MEGF10: variants seen among roughly 807,000 people sequenced by gnomAD.
The protein encoded by MEGF10 is multiple EGF like domains 10.
In MEGF10, 86 loss-of-function variants were observed where a neutral mutation model predicts 147.5. That is an observed-to-expected ratio of 0.58 (90% CI 0.49 to 0.70). The LOEUF is 0.70. Ranked by LOEUF, MEGF10 falls within the 30% of genes least tolerant of loss-of-function variation. The pLI, the probability that MEGF10 is intolerant of heterozygous loss-of-function variation, is 0.00. For synonymous variants in MEGF10, 478 were observed against 525.5 expected (o/e 0.91, Z 1.24); for missense variants, 1,329 against 1,487.3 (o/e 0.89, Z 1.75).
intron 7 of MEGF10, 143 bp from the exon 8 acceptor site, chr5:127,402,403 G>A (rs1040449138): frequency 3.7e-6 from 3 of 811,284 alleles, no homozygotes; most frequent in Admixed American, 5.7e-5. Flanking sequence ...AACAGTTTAT[G>A]TGCTCTAAAA....
intron 17 of MEGF10, among the ~76,000 whole-genome samples, chr5:127,440,300 C>T (rs1765708843): frequency 6.6e-6 from 1 of 152,056 alleles, no homozygotes; most frequent in South Asian, 2.1e-4. Context: ...AGGCTAGTAG[C>T]AACAATAGAG....
intron 4 of MEGF10, among the ~76,000 whole-genome samples, chr5:127,345,260 A>T (rs1223399347): frequency 6.6e-6 from 1 of 152,180 alleles, no homozygotes; most frequent in Admixed American, 6.5e-5. Context: ...GACTGGAATG[A>T]GCACACAGAA....
chr5:127,443,234 A>T, intron 19 of MEGF10, 108 bp downstream of exon 19: 1 of 1,182,038 alleles, frequency 8.5e-7, no homozygotes, highest in Non-Finnish European at 1.1e-6. Context: ...CTTCACCACA[A>T]CTCTAAATGG....
Position 127,376,455 on chromosome 5 carries a change from C to T in MEGF10, c.412+6453C>T, listed in dbSNP as rs147403805. On this transcript the variant is annotated intron_variant, in intron 5 of 24. Coordinates refer to ENST00000503335, the MANE Select transcript of MEGF10 (RefSeq NM_001256545.2). The stretch of plus-strand genomic sequence containing the variant: ...CAGAGAGATTAGTAAGGAGTACTGC[C>T]CATTCCCAATAGAATGAGGAAGAAA... Among the ~76,000 whole-genome samples, 282 of 152,072 alleles carry T rather than the reference C, an allele frequency of 1.9e-3. 1 individual carries two copies. The highest frequency in any genetic ancestry group is 6.4e-3 in the African/African-American group (267 of 41,466).
At chr5:127,415,747 T>C (rs1225572981) in intron 9 of MEGF10, among the ~76,000 whole-genome samples, 1 of 151,394 alleles carries the variant, frequency 6.6e-6, no homozygotes, top group Non-Finnish European at 1.5e-5. Flanking sequence ...CTACTAAAAA[T>C]ACAAAAATTA....
At chr5:127,251,095 C>T in the MEGF10 span, among the ~76,000 whole-genome samples, 1 of 152,040 alleles carries the variant, frequency 6.6e-6, no homozygotes, top group Non-Finnish European at 1.5e-5. Context: ...TGAAACTTAA[C>T]ATGCTATTTT....
the MEGF10 span, among the ~76,000 whole-genome samples, chr5:127,272,437 A>G: frequency 3.9e-4 from 59 of 152,268 alleles, no homozygotes; most frequent in African/African-American, 1.3e-3. Context: ...TATGAATTTT[A>G]AAATAGTTTT....
At chr5:127,287,396 A>G (rs1759060325), upstream of MEGF10, among the ~76,000 whole-genome samples, 1 of 152,008 alleles carries the variant, frequency 6.6e-6, no homozygotes, top group Admixed American at 6.5e-5. Flanking sequence ...GCCATGTTGC[A>G]AAATGTGAGG....
intron 2 of MEGF10, among the ~76,000 whole-genome samples, chr5:127,337,722 A>G (rs1300626115): frequency 6.6e-6 from 1 of 152,066 alleles, no homozygotes; most frequent in Non-Finnish European, 1.5e-5. Flanking sequence ...GAGATTCAGG[A>G]TGCTAAATAA....
rs77896531 is a variant in MEGF10 at position 127,410,241 on chromosome 5, T to C, written c.918-148T>C. On this transcript the variant is annotated intron_variant, in intron 8 of 24. Transcript: ENST00000503335. Reference sequence around the variant, plus strand: ...GCCAGAGTAATGTATCTTAACGCTTTTCATCCGTGTAATGGGACAATCACT... The same window carrying C: ...GCCAGAGTAATGTATCTTAACGCTTCTCATCCGTGTAATGGGACAATCACT... 16,108 of 704,514 alleles carry C rather than the reference T, an allele frequency of 0.023. 354 individuals are homozygous for C. The highest frequency in any genetic ancestry group is 0.066 in the South Asian group (3,793 of 57,568). 43.6% of individuals were successfully genotyped at this position (704,514 alleles called of 1,614,324 possible). A position where few individuals can be genotyped will look rare whatever the true frequency, so the allele number is the denominator to read the frequency against.
At position 127,387,402 on chromosome 5, in the gene MEGF10, AT is replaced by A. The variant is rs146069772; in HGVS notation, c.413-9128del. Among the ~76,000 whole-genome samples the A allele has an allele frequency of 3.1e-3, 473 of 152,302 alleles. 4 individuals are homozygous for A. Among genetic ancestry groups the A allele is most frequent in the African/African-American group, 0.011 (451 of 41,568 alleles). On this transcript the variant is annotated intron_variant, in intron 5 of 24. Transcript: ENST00000503335. The stretch of plus-strand genomic sequence containing the variant: ...TGATAGGATATTCCTTATCAAAACT[AT>A]TCTGATGAACCTGCTGCTACATCTT...
At chr5:127,276,781 CAT>C in the MEGF10 span, among the ~76,000 whole-genome samples, 1 of 151,754 alleles carries the variant, frequency 6.6e-6, no homozygotes, top group African/African-American at 2.4e-5. Flanking sequence ...AAACAATAAA[CAT>C]AATGAATAAG....
At chr5:127,402,715 T>G (rs1331143529) in intron 8 of MEGF10, 33 bp downstream of exon 8, 1 of 1,609,128 alleles carries the variant, frequency 6.2e-7, no homozygotes, top group South Asian at 1.1e-5. Context: ...TCTGACTGTT[T>G]ATAATGATGT....
intron 22 of MEGF10, among the ~76,000 whole-genome samples, chr5:127,450,971 C>G (rs1356665228): frequency 3.9e-5 from 6 of 152,070 alleles, no homozygotes; most frequent in African/African-American, 1.4e-4. Context: ...GTTGGCCAGG[C>G]TGGTCTCAAA....
chr5:127,282,071 C>T, the MEGF10 span, among the ~76,000 whole-genome samples: 750 of 152,242 alleles, frequency 4.9e-3, 11 homozygotes, highest in African/African-American at 0.017. Flanking sequence ...TCTGCCTGCC[C>T]CACTTCACAG....
chr5:127,395,412 G>C (rs1229760078), intron 5 of MEGF10, among the ~76,000 whole-genome samples: 1 of 151,542 alleles, frequency 6.6e-6, no homozygotes, highest in Non-Finnish European at 1.5e-5. Context: ...GGATTCTTCG[G>C]CTTCAGGCTT....
upstream of MEGF10, among the ~76,000 whole-genome samples, chr5:127,287,822 C>T (rs746532179): frequency 1.3e-5 from 2 of 151,866 alleles, no homozygotes; most frequent in South Asian, 2.1e-4. Context: ...AGTTGGAAGA[C>T]TTATTACATC....
rs58939267 is a variant in MEGF10 at position 127,455,723 on chromosome 5, G to GTATTTTATTTTATTTTATTTTATTT, written c.3232+120_3232+144dup. The stretch of plus-strand genomic sequence containing the variant: ...GAAATCTTATTGAAAATAATGGTCC[G>GTATTTTATTTTATTTTATTTTATTT]TATTTTATTTTATTTTATTTTATTT... On this transcript the variant is annotated intron_variant, in intron 24 of 24. Transcript: ENST00000503335. The GTATTTTATTTTATTTTATTTTATTT allele has an allele frequency of 1.3e-4, 99 of 768,010 alleles. No individual in the cohort carries two copies. In the African/African-American group the frequency reaches 1.5e-3, roughly 12 times the overall value. The allele number at this position is 768,010 out of a possible 1,614,324, so 47.6% of individuals were successfully genotyped here.
intron 16 of MEGF10, among the ~76,000 whole-genome samples, chr5:127,437,251 A>G (rs1308062394): frequency 5.9e-5 from 9 of 152,364 alleles, no homozygotes; most frequent in Non-Finnish European, 1.2e-4. Flanking sequence ...CTAACAAATA[A>G]CAAATATTAT....
Sources: allele counts gnomAD v4.1 joint callset (sites outside exome capture counted in the v4.1 genomes callset), GRCh38; gene constraint gnomAD v4.1.1; transcripts MANE v1.5; gene names NCBI Gene and HGNC (gene_info 2026-07-23, HGNC 2026-07-21).